The following FAM83G variants were observed in gnomAD, a reference collection of about 807,000 sequenced individuals.
The protein encoded by FAM83G is protein FAM83G.
Under a neutral mutation model 61.5 loss-of-function variants are expected in FAM83G, and 38 were observed. The ratio of observed to expected loss-of-function variants is 0.62; its 90% CI spans 0.48 to 0.81. FAM83G has a LOEUF of 0.81. FAM83G is among the 30% of genes least tolerant of loss of function. The pLI is 0.00. For synonymous variants in FAM83G, 470 were observed against 476.1 expected (o/e 0.99, Z 0.17); for missense variants, 989 against 1,133.6 (o/e 0.87, Z 1.83).
chr17:19,004,815 C>A (rs1057411756), upstream of FAM83G: 10 of 151,624 alleles, frequency 6.6e-5, no homozygotes, highest in African/African-American at 2.2e-4. The surrounding 1 kb of genome is among the most constrained non-coding windows in gnomAD (Gnocchi z 5.4). Context: ...TACCCCGCCG[C>A]CGCCACCTGC....
rs753395546 is a variant in FAM83G, at chr17:18,970,983, A to G, written c.*376T>C. 6 of 1,609,548 alleles carry G rather than the reference A, an allele frequency of 3.7e-6. No individual in the cohort carries two copies. Among genetic ancestry groups the G allele is most frequent in the Non-Finnish European group, 5.1e-6 (6 of 1,176,648 alleles). On this transcript the variant is annotated 3_prime_UTR_variant, in exon 6 of 6. Coordinates refer to ENST00000388995, the MANE Select transcript of FAM83G (RefSeq NM_001039999.3). ...GGAGTCAGGGCCCCGCAACCACCAA[A>G]CTGTCCCTGTTCCACCCTGACCCCT...
At chr17:18,980,997 G>A (rs942120755) in intron 3 of FAM83G, among the ~76,000 whole-genome samples, 2 of 152,148 alleles carry the variant, frequency 1.3e-5, no homozygotes, top group South Asian at 2.1e-4. Flanking sequence ...GAGCTGTGAC[G>A]TACTGGTCTG....
chr17:18,981,759 G>A (rs1418692750), intron 3 of FAM83G, among the ~76,000 whole-genome samples: 2 of 152,308 alleles, frequency 1.3e-5, no homozygotes, highest in South Asian at 2.1e-4. Flanking sequence ...TCCCAGGGCC[G>A]CCCTCGCCGG....
intron 2 of FAM83G, among the ~76,000 whole-genome samples, chr17:19,002,257 G>C (rs2043749521): frequency 6.6e-6 from 1 of 152,152 alleles, no homozygotes; most frequent in African/African-American, 2.4e-5. Context: ...AGCTGCCCAG[G>C]GTCAGTCAGT....
intron 3 of FAM83G, among the ~76,000 whole-genome samples, chr17:18,983,345 C>A (rs2043186190): frequency 6.6e-6 from 1 of 152,262 alleles, no homozygotes; most frequent in East Asian, 1.9e-4. Flanking sequence ...GGTCCCACAG[C>A]AGGTCAACAG....
intron 5 of FAM83G, chr17:18,977,146 G>A (rs1351613638): frequency 3.0e-6 from 3 of 996,834 alleles, no homozygotes; most frequent in Admixed American, 2.4e-5. Context: ...CACAATCAAA[G>A]GGATTAACAT....
intron 3 of FAM83G, among the ~76,000 whole-genome samples, chr17:18,986,569 C>A (rs548978226): frequency 2.0e-5 from 3 of 152,240 alleles, no homozygotes; most frequent in South Asian, 2.1e-4. Flanking sequence ...CCAGGCCCCC[C>A]ACCTGCCCCA....
intron 2 of FAM83G, among the ~76,000 whole-genome samples, chr17:18,995,437 C>A (rs146427017): frequency 7.2e-5 from 11 of 152,206 alleles, no homozygotes; most frequent in African/African-American, 2.4e-4. Context: ...CAAAATGACA[C>A]ACAGAAAGAC....
chr17:18,979,846 A>G (rs2043084324), intron 3 of FAM83G, among the ~76,000 whole-genome samples, 173 bp from the exon 4 acceptor site: 1 of 152,174 alleles, frequency 6.6e-6, no homozygotes, highest in Admixed American at 6.5e-5. Flanking sequence ...TGCAGGGCTC[A>G]GGGTAAGGAG....
In FAM83G at chr17:18,982,598, C is replaced by T. The variant is rs536776713; in HGVS notation, c.691-2925G>A. Reference sequence around the variant, plus strand: ...GCGAGTCAGGGCAGGGGAGGACGGCCGGGTGGTGCTTCATCTGCTCTCAGC... The same window carrying T: ...GCGAGTCAGGGCAGGGGAGGACGGCTGGGTGGTGCTTCATCTGCTCTCAGC... On this transcript the variant is annotated intron_variant, in intron 3 of 5. Coordinates refer to ENST00000388995, the MANE Select transcript of FAM83G (RefSeq NM_001039999.3). Among the ~76,000 whole-genome samples, 10 of 152,258 alleles carry T rather than the reference C, an allele frequency of 6.6e-5. No homozygotes were observed. In the South Asian group the frequency reaches 1.2e-3, roughly 19 times the overall value.
In FAM83G at chr17:18,969,163, G is replaced by C. The variant is rs377336455; in HGVS notation, c.*2196C>G. ...AGCCCTGTACACCATCGCAGGTATG[G>C]TGCCTGCAGCAGGGAGGTCCACCCA... On this transcript the variant is annotated 3_prime_UTR_variant, in exon 6 of 6. Transcript: ENST00000388995. 5.0e-6 allele frequency: 8 copies of C among 1,613,144 alleles called. No individual in the cohort carries two copies. The highest frequency in any genetic ancestry group is 5.1e-6 in the Non-Finnish European group (6 of 1,179,480).
intron 5 of FAM83G, 134 bp downstream of exon 5, chr17:18,977,450 T>A (rs970005582): frequency 1.1e-6 from 1 of 910,268 alleles, no homozygotes; most frequent in African/African-American, 1.7e-5. Context: ...GTTCATCAAG[T>A]TTCCCCATCT....
At chr17:18,980,300 C>T (rs1272452748) in intron 3 of FAM83G, among the ~76,000 whole-genome samples, 1 of 152,150 alleles carries the variant, frequency 6.6e-6, no homozygotes, top group Non-Finnish European at 1.5e-5. Context: ...CCACCCAGCA[C>T]CCAGGCCAGG....
chr17:18,983,051 G>A (rs1218160130), intron 3 of FAM83G, among the ~76,000 whole-genome samples: 1 of 152,232 alleles, frequency 6.6e-6, no homozygotes, highest in Admixed American at 6.5e-5. Context: ...CCAACACAGA[G>A]GACCACAAAA....
Position 18,968,864 on chromosome 17 carries a change from C to T in FAM83G, c.*2495G>A, listed in dbSNP as rs1244811370. On this transcript the variant is annotated 3_prime_UTR_variant, in exon 6 of 6. Coordinates refer to ENST00000388995, the MANE Select transcript of FAM83G (RefSeq NM_001039999.3). This position sits in a 1 kb window ranked among gnomAD's most constrained non-coding sequence, Gnocchi z 4.1. ...CCCTGACATCCGCACAAGCTTGTAG[C>T]TCCACGGCCAGGTCTTCCCCCAACC... 15 of 593,438 alleles carry T rather than the reference C, an allele frequency of 2.5e-5. No homozygotes were observed. The highest frequency in any genetic ancestry group is 3.3e-5 in the Non-Finnish European group (11 of 336,108). The allele number at this position is 593,438 out of a possible 1,614,324, so 36.8% of individuals were successfully genotyped here.
intron 5 of FAM83G, chr17:18,976,540 A>G (rs555805544): frequency 1.3e-4 from 47 of 354,096 alleles, no homozygotes; most frequent in African/African-American, 9.3e-4. Context: ...CACCCCACCC[A>G]GGGTCTCCTC....
intron 2 of FAM83G, among the ~76,000 whole-genome samples, chr17:18,998,546 T>C (rs2043629646): frequency 6.6e-6 from 1 of 152,204 alleles, no homozygotes. Context: ...GCCCTGGCTC[T>C]TGGGGTTGTG....
At chr17:18,983,947 T>C (rs2043199783) in intron 3 of FAM83G, among the ~76,000 whole-genome samples, 1 of 152,208 alleles carries the variant, frequency 6.6e-6, no homozygotes, top group African/African-American at 2.4e-5. Flanking sequence ...CAGTGTAGGA[T>C]GTTTAACAAC....
chr17:18,974,973 C>A (rs1406522931), intron 5 of FAM83G, among the ~76,000 whole-genome samples: 1 of 152,188 alleles, frequency 6.6e-6, no homozygotes, highest in African/African-American at 2.4e-5. Context: ...TTCAGGGGGA[C>A]TGGCAGGCCT....
Sources: allele counts gnomAD v4.1 joint callset (sites outside exome capture counted in the v4.1 genomes callset), GRCh38; gene constraint gnomAD v4.1.1; non-coding constraint Gnocchi (gnomAD v3.1); transcripts MANE v1.5; gene names NCBI Gene and HGNC (gene_info 2026-07-23, HGNC 2026-07-21).